GSDME: variants seen among roughly 807,000 people sequenced by gnomAD.
The protein encoded by GSDME is gasdermin-E.
Under a neutral mutation model 47.5 loss-of-function variants are expected in GSDME, and 44 were observed. The ratio of observed to expected loss-of-function variants is 0.93; its 90% CI spans 0.73 to 1.19. GSDME has a LOEUF of 1.19. GSDME is among the 50% of genes most tolerant of loss of function. The probability of loss-of-function intolerance (pLI) is 0.00; values close to 1 mark genes in which losing one functional copy is unlikely to be tolerated. For missense variants in GSDME, 663 were observed against 604.2 expected (o/e 1.10, Z -1.02); for synonymous variants, 258 against 252.8 (o/e 1.02, Z -0.20).
Position 24,720,970 on chromosome 7 carries a change from A to G in GSDME, c.405-1752T>C, listed in dbSNP as rs187873450. On this transcript the variant is annotated intron_variant, in intron 3 of 9. Coordinates refer to ENST00000645220, the MANE Select transcript of GSDME (RefSeq NM_001127453.2). ...TGCAACATGGGTGAACCTTGAAGAC[A>G]TTATGCCAAGTAACACACTCCAGGG... Among the ~76,000 whole-genome samples the G allele has an allele frequency of 5.1e-3, 777 of 152,180 alleles. 3 individuals carry two copies. The highest frequency in any genetic ancestry group is 0.018 in the African/African-American group (735 of 41,514).
rs968220877 is a variant in GSDME, at chr7:24,733,346, G to A, written c.404+11216C>T. Among the ~76,000 whole-genome samples the A allele has an allele frequency of 6.6e-6, 1 of 152,156 alleles. No individual in the cohort carries two copies. The highest frequency in any genetic ancestry group is 1.5e-5 in the Non-Finnish European group (1 of 68,008). On this transcript the variant is annotated intron_variant, in intron 3 of 9. Transcript: ENST00000645220. The surrounding 1 kb of genome is among the most constrained non-coding windows in gnomAD (Gnocchi z 4.3). ...CCCAGCTGTGGTCAGGTGTGACTCG[G>A]CACTTTCACAGCTGTGCTGGCTATG...
intron 3 of GSDME, among the ~76,000 whole-genome samples, chr7:24,727,330 T>A (rs571930535): frequency 1.3e-5 from 2 of 152,180 alleles, no homozygotes; most frequent in African/African-American, 4.8e-5. Flanking sequence ...CAACAAAAAG[T>A]GAAAGGTACA....
chr7:24,723,995 C>G (rs1303613431), intron 3 of GSDME, among the ~76,000 whole-genome samples: 1 of 152,172 alleles, frequency 6.6e-6, no homozygotes, highest in African/African-American at 2.4e-5. Context: ...GTCCTGATTT[C>G]TTTCCTCTCG....
chr7:24,740,896 G>T (rs948982502), intron 3 of GSDME, among the ~76,000 whole-genome samples: 9 of 151,984 alleles, frequency 5.9e-5, no homozygotes, highest in African/African-American at 2.2e-4. Flanking sequence ...TGCCTTTATG[G>T]TAACACCCTC....
At chr7:24,758,269 G>T (rs1057082593), upstream of GSDME, among the ~76,000 whole-genome samples, 2 of 152,262 alleles carry the variant, frequency 1.3e-5, no homozygotes, top group African/African-American at 2.4e-5. This position sits in a 1 kb window ranked among gnomAD's most constrained non-coding sequence, Gnocchi z 4.6. Context: ...GCGCCCCGCA[G>T]AAGGCTGCAT....
rs1271780466 is a variant in GSDME, at chr7:24,745,852, AAAT to A, written c.212-1101_212-1099del. On this transcript the variant is annotated intron_variant, in intron 2 of 9. Coordinates refer to ENST00000645220, the MANE Select transcript of GSDME (RefSeq NM_001127453.2). The surrounding 1 kb of genome is among the most constrained non-coding windows in gnomAD (Gnocchi z 4.4). ...ACACCTTATCTCTAAGAAAATATAA[AAAT>A]AATAACAAATAAAAATAATGATTTT... Among the ~76,000 whole-genome samples, 3 of 152,184 alleles carry A rather than the reference AAAT, an allele frequency of 2.0e-5. No homozygotes were observed. The highest frequency in any genetic ancestry group is 3.8e-4 in the East Asian group (2 of 5,198).
Position 24,705,498 on chromosome 7 carries a change from TTTGCCACAACTGGC to T in GSDME, c.1183+672_1183+685del, listed in dbSNP as rs531457480. On this transcript the variant is annotated intron_variant, in intron 8 of 9. Coordinates refer to ENST00000645220, the MANE Select transcript of GSDME (RefSeq NM_001127453.2). This position sits in a 1 kb window ranked among gnomAD's most constrained non-coding sequence, Gnocchi z 4.1. ...CATGAAGGGAAGCTGTGGGGACTGG[TTTGCCACAACTGGC>T]TTTTCTGAGAGGGAATAGGAAGCCC... 128 of 158,028 alleles carry T rather than the reference TTTGCCACAACTGGC, an allele frequency of 8.1e-4. No individual in the cohort carries two copies. Among genetic ancestry groups the T allele is most frequent in the Admixed American group, 1.9e-3 (32 of 16,668 alleles). The allele number at this position is 158,028 out of a possible 1,614,324, so 9.8% of individuals were successfully genotyped here.
chr7:24,740,277 G>A (rs779592300), intron 3 of GSDME, among the ~76,000 whole-genome samples: 48 of 152,124 alleles, frequency 3.2e-4, no homozygotes, highest in Non-Finnish European at 6.0e-4. Flanking sequence ...GTTACCAGAG[G>A]CTGGGAAGGG....
At chr7:24,717,501 A>T in intron 4 of GSDME, 127 bp from the exon 5 acceptor site, 1 of 1,439,910 alleles carries the variant, frequency 6.9e-7, no homozygotes, top group Non-Finnish European at 9.5e-7. Flanking sequence ...ACCGAGTGGA[A>T]CAGAGGAGCC....
chr7:24,752,782 T>C lies in GSDME; in HGVS notation c.-19-2989A>G, dbSNP rs1295540571. ...TCAGGATCTCCACTGTTATGGCTTCTAATTCTTTTCTGGGACAAGCTGAAA... is the reference window on the plus strand; with the variant it reads ...TCAGGATCTCCACTGTTATGGCTTCCAATTCTTTTCTGGGACAAGCTGAAA... On this transcript the variant is annotated intron_variant, in intron 1 of 9. Transcript: ENST00000645220. Among the ~76,000 whole-genome samples, 3 of 152,368 alleles carry C rather than the reference T, an allele frequency of 2.0e-5. No individual in the cohort carries two copies. In the East Asian group the frequency reaches 5.8e-4, roughly 29 times the overall value.
intron 6 of GSDME, 145 bp downstream of exon 6, chr7:24,710,079 C>A: frequency 1.1e-6 from 1 of 895,444 alleles, no homozygotes; most frequent in East Asian, 2.5e-5. Context: ...GCCGAGTGGA[C>A]TGGGCCTCGG....
intron 5 of GSDME, chr7:24,715,528 G>A (rs1422180782): frequency 2.1e-6 from 1 of 470,284 alleles, no homozygotes; most frequent in Non-Finnish European, 4.4e-6. Flanking sequence ...TTCACCACTG[G>A]CCATCAGTAA....
chr7:24,731,900 C>A (rs1358623808), intron 3 of GSDME, among the ~76,000 whole-genome samples: 1 of 152,194 alleles, frequency 6.6e-6, no homozygotes, highest in Non-Finnish European at 1.5e-5. Flanking sequence ...GTTTCCACCA[C>A]AAATTGTTTT....
chr7:24,704,405 A>G (rs1356333499), intron 8 of GSDME: 1 of 152,166 alleles, frequency 6.6e-6, no homozygotes, highest in Non-Finnish European at 1.5e-5. Flanking sequence ...CGAAGACCCC[A>G]TTTTCTATTC....
At position 24,705,796 on chromosome 7, in the gene GSDME, A is replaced by G. The variant is rs1789072108; in HGVS notation, c.1183+388T>C. ...GAATAACAAGTTTGCAAAGATCAGAAGGACTGAAATGCTGGAGGAGAGCAG... is the reference window on the plus strand; with the variant it reads ...GAATAACAAGTTTGCAAAGATCAGAGGGACTGAAATGCTGGAGGAGAGCAG... On this transcript the variant is annotated intron_variant, in intron 8 of 9. Transcript: ENST00000645220. The surrounding 1 kb of genome is among the most constrained non-coding windows in gnomAD (Gnocchi z 4.1). The G allele has an allele frequency of 5.7e-6, 2 of 353,364 alleles. No individual in the cohort carries two copies. Among genetic ancestry groups the G allele is most frequent in the East Asian group, 1.5e-4 (2 of 13,450 alleles). The allele number at this position is 353,364 out of a possible 1,614,324, so 21.9% of individuals were successfully genotyped here. A position where few individuals can be genotyped will look rare whatever the true frequency, so the allele number is the denominator to read the frequency against.
chr7:24,794,675 A>G, the GSDME span, among the ~76,000 whole-genome samples: 2 of 152,156 alleles, frequency 1.3e-5, no homozygotes, highest in African/African-American at 2.4e-5. Context: ...CAGGTGTCAT[A>G]GCGATTCCAT....
At chr7:24,760,188 T>C (rs1791146278), upstream of GSDME, among the ~76,000 whole-genome samples, 1 of 152,248 alleles carries the variant, frequency 6.6e-6, no homozygotes, top group South Asian at 2.1e-4. The surrounding 1 kb of genome is among the most constrained non-coding windows in gnomAD (Gnocchi z 4.2). Flanking sequence ...TTGGGTGTCG[T>C]GTATTTCCTA....
chr7:24,717,170 G>A (rs754716910), intron 5 of GSDME, 84 bp downstream of exon 5: 15 of 1,507,810 alleles, frequency 9.9e-6, no homozygotes, highest in African/African-American at 5.5e-5. Flanking sequence ...CAAAGCAGTC[G>A]AGTCCTCTGG....
chr7:24,783,045 T>G, the GSDME span, among the ~76,000 whole-genome samples: 2 of 152,268 alleles, frequency 1.3e-5, no homozygotes, highest in African/African-American at 4.8e-5. Context: ...AGTGGGATTC[T>G]CATACTTGCT....
Sources: allele counts gnomAD v4.1 joint callset (sites outside exome capture counted in the v4.1 genomes callset), GRCh38; gene constraint gnomAD v4.1.1; non-coding constraint Gnocchi (gnomAD v3.1); transcripts MANE v1.5; gene names NCBI Gene and HGNC (gene_info 2026-07-23, HGNC 2026-07-21).